Variants in SHQ1 observed in about 807,000 individuals in gnomAD.
SHQ1 encodes SHQ1, H/ACA ribonucleoprotein assembly factor.
SHQ1 carries 49 observed loss-of-function variants against 53.8 expected under a neutral mutation model. The ratio of observed to expected loss-of-function variants is 0.91; its 90% CI spans 0.72 to 1.16. The LOEUF is 1.16. Among genes scored for constraint, SHQ1 ranks in the 50% most tolerant of loss-of-function variants. The pLI is 0.00. For missense variants in SHQ1, 738 were observed against 683.1 expected, an observed-to-expected ratio of 1.08 and a Z score of -0.90; for synonymous variants, 243 against 251.0, an observed-to-expected ratio of 0.97 and a Z score of 0.30.
At chr3:72,797,828 C>T (rs1051319775) in intron 9 of SHQ1, among the ~76,000 whole-genome samples, 8 of 152,142 alleles carry the variant, frequency 5.3e-5, no homozygotes, top group African/African-American at 9.7e-5. Flanking sequence ...TCTTTTGTTC[C>T]GACTATGTCA....
At chr3:72,827,662 C>G (rs1471878414) in intron 5 of SHQ1, among the ~76,000 whole-genome samples, 1 of 151,914 alleles carries the variant, frequency 6.6e-6, no homozygotes, top group Non-Finnish European at 1.5e-5. Flanking sequence ...CATGAACAAG[C>G]GCTGACGGTG....
At chr3:72,765,249 T>C (rs1049491835) in intron 10 of SHQ1, among the ~76,000 whole-genome samples, 4 of 152,004 alleles carry the variant, frequency 2.6e-5, no homozygotes, top group Admixed American at 6.6e-5. Context: ...GGACCTTGCC[T>C]GAAGTTACGG....
At chr3:72,756,553 A>G (rs1009344376) in intron 10 of SHQ1, among the ~76,000 whole-genome samples, 3 of 152,256 alleles carry the variant, frequency 2.0e-5, no homozygotes, top group African/African-American at 7.2e-5. Flanking sequence ...GCTGGGGATT[A>G]CAGGAGTAAG....
intron 7 of SHQ1, among the ~76,000 whole-genome samples, chr3:72,816,021 T>C (rs1421779358): frequency 6.6e-6 from 1 of 152,178 alleles, no homozygotes; most frequent in East Asian, 1.9e-4. Flanking sequence ...AATTACAGTA[T>C]CTTTAAAAGA....
At chr3:72,842,132 G>C in intron 3 of SHQ1, 148 bp downstream of exon 3, 1 of 777,908 alleles carries the variant, frequency 1.3e-6, no homozygotes, top group South Asian at 2.4e-5. Context: ...CACCAAAGAA[G>C]CTATTTTCAT....
intron 5 of SHQ1, among the ~76,000 whole-genome samples, chr3:72,825,435 A>G (rs990786910): frequency 1.3e-5 from 2 of 151,902 alleles, no homozygotes; most frequent in South Asian, 2.1e-4. Flanking sequence ...TTCTACCAAG[A>G]TAAAATCTAT....
intron 10 of SHQ1, among the ~76,000 whole-genome samples, chr3:72,760,883 T>C (rs554413541): frequency 3.3e-5 from 5 of 152,352 alleles, no homozygotes; most frequent in African/African-American, 1.2e-4. Flanking sequence ...CTCTGTCTTC[T>C]TGAAATATTA....
chr3:72,746,179 TC>T (rs567249521), downstream of SHQ1, among the ~76,000 whole-genome samples: 3 of 151,784 alleles, frequency 2.0e-5, no homozygotes, highest in Non-Finnish European at 2.9e-5. Context: ...TCGTTTGGAG[TC>T]CCCCCCTCGT....
intron 1 of SHQ1, chr3:72,846,214 C>CA: frequency 2.0e-6 from 3 of 1,535,718 alleles, no homozygotes; most frequent in Non-Finnish European, 2.6e-6. Context: ...TATTTGCTTA[C>CA]ATGGGGCCTC....
At chr3:72,761,520 T>C (rs1294109937) in intron 10 of SHQ1, among the ~76,000 whole-genome samples, 1 of 152,220 alleles carries the variant, frequency 6.6e-6, no homozygotes, top group African/African-American at 2.4e-5. Flanking sequence ...CAAATCACTA[T>C]GGCAAACAGC....
At chr3:72,812,034 T>C (rs929946838) in intron 9 of SHQ1, among the ~76,000 whole-genome samples, 4 of 152,246 alleles carry the variant, frequency 2.6e-5, no homozygotes, top group Non-Finnish European at 5.9e-5. Context: ...ATGATGATAC[T>C]ATGGGCACTT....
the SHQ1 span, among the ~76,000 whole-genome samples, chr3:72,739,305 C>A: frequency 6.6e-6 from 1 of 152,184 alleles, no homozygotes; most frequent in African/African-American, 2.4e-5. Context: ...CGACAATCCC[C>A]CTCCTCATCT....
chr3:72,748,497 T>G (rs1189464378), downstream of SHQ1, among the ~76,000 whole-genome samples: 4 of 151,812 alleles, frequency 2.6e-5, no homozygotes, highest in African/African-American at 9.7e-5. Flanking sequence ...TCAAGACCAG[T>G]CTGGGCAACA....
Position 72,750,657 on chromosome 3 carries a change from G to T in SHQ1, c.1361C>A (p.Ala454Glu), listed in dbSNP as rs879252738. 1 of 1,613,304 alleles carries T rather than the reference G, an allele frequency of 6.2e-7. No homozygotes were observed. The highest frequency in any genetic ancestry group is 1.1e-5 in the South Asian group (1 of 90,998). The change falls in exon 11 of 11, where the codon GCA becomes GAA. Residue 454 changes from alanine (A) to glutamate (E), a missense_variant. By Grantham distance (107) the Ala-to-Glu change is moderately radical. Transcript: ENST00000325599. Reference protein sequence around the residue: ...GQQTLCSSSEASDSEDSDSSV... With the variant: ...GQQTLCSSSEESDSEDSDSSV... ...GCTGTCTGAGTCCTCCGAATCACTT[G>T]CCTCAGAGCTGGAGCAAAGTGTCTG...
chr3:72,739,130 G>A, the SHQ1 span, among the ~76,000 whole-genome samples: 1 of 152,242 alleles, frequency 6.6e-6, no homozygotes, highest in African/African-American at 2.4e-5. Context: ...CGCCTGCTTC[G>A]CAGTTGGCTT....
At position 72,810,968 on chromosome 3, in the gene SHQ1, TTTC is replaced by T. The variant is rs375562852; in HGVS notation, c.1060+1700_1060+1702del. Among the ~76,000 whole-genome samples, 693 of 152,330 alleles carry T rather than the reference TTTC, an allele frequency of 4.5e-3. 6 individuals carry two copies. The highest frequency in any genetic ancestry group is 0.016 in the African/African-American group (649 of 41,566). On this transcript the variant is annotated intron_variant, in intron 9 of 10. Transcript: ENST00000325599. ...TATCATAACACAGCTGATAAAACTA[TTTC>T]TTGTCAGAGTGATAATGAATAAAAA... is the stretch of plus-strand genomic sequence containing the variant.
chr3:72,767,920 T>C (rs527410646), intron 10 of SHQ1, among the ~76,000 whole-genome samples: 1 of 152,306 alleles, frequency 6.6e-6, no homozygotes, highest in African/African-American at 2.4e-5. Context: ...GCTATCAAAA[T>C]GCTTCCTGCG....
chr3:72,729,944 G>T, the SHQ1 span, among the ~76,000 whole-genome samples: 3 of 151,740 alleles, frequency 2.0e-5, no homozygotes, highest in South Asian at 6.2e-4. Context: ...TCGGCCTCCC[G>T]AGTAGCTGGG....
chr3:72,789,561 A>G (rs905472541), intron 10 of SHQ1, among the ~76,000 whole-genome samples: 9 of 152,262 alleles, frequency 5.9e-5, no homozygotes, highest in African/African-American at 2.2e-4. Flanking sequence ...ACCAATAAAA[A>G]TAAGTTAGAA....
Sources: allele counts gnomAD v4.1 joint callset (sites outside exome capture counted in the v4.1 genomes callset), GRCh38; gene constraint gnomAD v4.1.1; transcripts MANE v1.5; gene names NCBI Gene and HGNC (gene_info 2026-07-23, HGNC 2026-07-21).